GC: variants seen among roughly 807,000 people sequenced by gnomAD.
GC encodes vitamin D-binding protein.
GC carries 43 observed loss-of-function variants against 56.7 expected under a neutral mutation model. The observed-to-expected ratio is 0.76, with a 90% CI of 0.59 to 0.98. GC has a LOEUF of 0.98. Ranked by LOEUF, GC falls within the 50% of genes least tolerant of loss-of-function variation. The pLI, the probability that GC is intolerant of heterozygous loss-of-function variation, is 0.00. For missense variants in GC, 529 were observed against 545.9 expected, an observed-to-expected ratio of 0.97 and a Z score of 0.31; for synonymous variants, 216 against 202.7, an observed-to-expected ratio of 1.07 and a Z score of -0.56.
chr4:71,780,230 A>C (rs1222570608), intron 1 of GC, among the ~76,000 whole-genome samples: 1 of 152,124 alleles, frequency 6.6e-6, no homozygotes, highest in Non-Finnish European at 1.5e-5. Context: ...TACAAAAATT[A>C]ATTCAAGATG....
chr4:71,773,738 T>C (rs1407057618), intron 1 of GC, among the ~76,000 whole-genome samples: 2 of 152,048 alleles, frequency 1.3e-5, no homozygotes, highest in Non-Finnish European at 2.9e-5. Context: ...TACAGGATGC[T>C]AGGAACTATC....
intron 8 of GC, among the ~76,000 whole-genome samples, chr4:71,755,847 A>G (rs1448383758): frequency 6.6e-6 from 1 of 152,224 alleles, no homozygotes; most frequent in Admixed American, 6.5e-5. Context: ...CACTTATAAA[A>G]GCAATACACA....
intron 1 of GC, among the ~76,000 whole-genome samples, chr4:71,791,806 T>G (rs1486884908): frequency 2.0e-5 from 3 of 152,124 alleles, no homozygotes; most frequent in Non-Finnish European, 4.4e-5. Flanking sequence ...CCTAATGCTA[T>G]CCCTTCACCA....
chr4:71,762,771 A>G (rs1180413050), intron 6 of GC, among the ~76,000 whole-genome samples: 2 of 152,296 alleles, frequency 1.3e-5, no homozygotes, highest in East Asian at 3.9e-4. Flanking sequence ...GCCTGCTGCC[A>G]TCCACGTAAG....
upstream of GC, among the ~76,000 whole-genome samples, chr4:71,787,803 T>C (rs1742875703): frequency 6.6e-6 from 1 of 151,794 alleles, no homozygotes; most frequent in Admixed American, 6.6e-5. Context: ...AGTGAGAAAT[T>C]ATGCCCAAGT....
chr4:71,756,914 G>T lies in GC; in HGVS notation c.832C>A (p.Leu278Met). ...CAGAGTTTTACTGTGTGTTCAGGCA[G>T]CTACAAAACGAATGGTTAGTTTGTG... ...SASEDCMAKE[L>M]PEHTVKLCDN... Residue 278 changes from leucine to methionine, a missense_variant and splice_region_variant, in exon 8 of 13, where the codon CTG becomes ATG. Physicochemically the swap from Leu to Met is conservative, Grantham distance 15. Transcript: ENST00000273951. 6.2e-7 allele frequency: 1 copy of T among 1,601,108 alleles called. No homozygotes were observed. The highest frequency in any genetic ancestry group is 8.6e-7 in the Non-Finnish European group (1 of 1,168,180).
intron 1 of GC, among the ~76,000 whole-genome samples, chr4:71,792,206 G>T (rs1437700106): frequency 4.6e-5 from 7 of 152,182 alleles, no homozygotes; most frequent in Non-Finnish European, 1.5e-5. Context: ...GAGTCAAATG[G>T]TATTTCCAGT....
intron 1 of GC, among the ~76,000 whole-genome samples, chr4:71,792,792 A>C (rs1743003929): frequency 6.6e-6 from 1 of 152,168 alleles, no homozygotes; most frequent in Non-Finnish European, 1.5e-5. Context: ...TTATGGTTTT[A>C]GGTCTAATAT....
At chr4:71,765,345 G>C in intron 4 of GC, 87 bp downstream of exon 4, 1 of 995,574 alleles carries the variant, frequency 1.0e-6, no homozygotes, top group African/African-American at 1.6e-5. Context: ...TGCTGTAGAA[G>C]AGGTGTTTCC....
intron 2 of GC, 79 bp downstream of exon 2, chr4:71,769,252 T>C (rs1353822418): frequency 5.8e-6 from 6 of 1,031,522 alleles, no homozygotes; most frequent in Non-Finnish European, 9.1e-6. Context: ...TTAACCTCCA[T>C]GCTGAGTCAA....
At chr4:71,765,891 T>C (rs560727889) in intron 3 of GC, among the ~76,000 whole-genome samples, 3 of 152,262 alleles carry the variant, frequency 2.0e-5, no homozygotes, top group African/African-American at 7.2e-5. Context: ...GAATAACAAA[T>C]GGACAGTGTT....
chr4:71,763,169 T>A (rs403376), intron 6 of GC, among the ~76,000 whole-genome samples: 13,654 of 152,188 alleles, frequency 0.09, 685 homozygotes, highest in Non-Finnish European at 0.1. Context: ...TGGTCAACTA[T>A]ATGGAAAAGA....
intron 2 of GC, among the ~76,000 whole-genome samples, chr4:71,768,960 A>G (rs1578301977): frequency 1.3e-5 from 2 of 152,294 alleles, no homozygotes; most frequent in African/African-American, 4.8e-5. Flanking sequence ...CCATCAAACC[A>G]ATCTGGTGTT....
chr4:71,782,631 G>A (rs1017979870), intron 1 of GC, among the ~76,000 whole-genome samples: 1 of 151,718 alleles, frequency 6.6e-6, no homozygotes, highest in Non-Finnish European at 1.5e-5. Context: ...TTGAGGTGAA[G>A]CCAATGTGCA....
chr4:71,767,948 A>C (rs544268325), intron 3 of GC, among the ~76,000 whole-genome samples: 1 of 152,222 alleles, frequency 6.6e-6, no homozygotes, highest in Non-Finnish European at 1.5e-5. Flanking sequence ...ACTTAGAATA[A>C]TGATCCATGG....
At chr4:71,742,177 A>C (rs1276357006) in intron 12 of GC, among the ~76,000 whole-genome samples, 2 of 152,086 alleles carry the variant, frequency 1.3e-5, no homozygotes, top group Admixed American at 1.3e-4. Flanking sequence ...TTTTTGCTCT[A>C]TGGTAATAAC....
chr4:71,764,796 T>C lies in GC; in HGVS notation c.473+636A>G, dbSNP rs370890863. Among the ~76,000 whole-genome samples, 73 of 152,314 alleles carry C rather than the reference T, an allele frequency of 4.8e-4. 1 individual carries two copies. In the South Asian group the frequency reaches 0.014, roughly 30 times the overall value. On this transcript the variant is annotated intron_variant, in intron 4 of 12. Coordinates refer to ENST00000273951, the MANE Select transcript of GC (RefSeq NM_000583.4). ...TGACCACTTTGAATGACATTGCTCC[T>C]GGTTTTTGAATATGTATATATTTCT...
intron 11 of GC, among the ~76,000 whole-genome samples, chr4:71,748,683 G>T (rs982528051): frequency 6.6e-6 from 1 of 152,074 alleles, no homozygotes; most frequent in Non-Finnish European, 1.5e-5. Context: ...TTCTAAGAGT[G>T]CCATGGTAAA....
At chr4:71,786,494 A>G (rs1331177275), upstream of GC, among the ~76,000 whole-genome samples, 1 of 151,798 alleles carries the variant, frequency 6.6e-6, no homozygotes, top group Non-Finnish European at 1.5e-5. Context: ...ATTTAACAAG[A>G]ATTATTTATT....
Sources: gnomAD v4.1 joint callset for allele counts (sites outside exome capture counted in the v4.1 genomes callset) on GRCh38, gnomAD v4.1.1 for gene constraint, MANE v1.5 for transcripts, NCBI Gene and HGNC (gene_info 2026-07-23, HGNC 2026-07-21) for gene names.